Variants in BRWD1 observed in about 807,000 individuals in gnomAD.
The protein encoded by BRWD1 is bromodomain and WD repeat domain containing 1.
In BRWD1, 82 loss-of-function variants were observed where a neutral mutation model predicts 251.2. That is an observed-to-expected ratio of 0.33 (90% CI 0.27 to 0.39). BRWD1 has a LOEUF of 0.39. BRWD1 is among the 10% of genes least tolerant of loss of function. The pLI is 1.00. For missense variants in BRWD1, 2,233 were observed against 2,711.6 expected, an observed-to-expected ratio of 0.82 and a Z score of 3.92; for synonymous variants, 918 against 902.8, an observed-to-expected ratio of 1.02 and a Z score of -0.30.
At position 39,264,873 on chromosome 21, in the gene BRWD1, C is replaced by T. The variant is rs776653253; in HGVS notation, c.1659+18G>A. On this transcript the variant is annotated intron_variant, in intron 16 of 40. Transcript: ENST00000342449. ...GATAACTATTACTTGCATGCTACAA[C>T]AAAGTATTAAAAATGACCTTTTCAT... is the stretch of plus-strand genomic sequence containing the variant. 1.9e-6 allele frequency: 3 copies of T among 1,607,240 alleles called. No individual in the cohort carries two copies. Among genetic ancestry groups the T allele is most frequent in the Non-Finnish European group, 2.5e-6 (3 of 1,178,088 alleles).
rs1238777587 is a variant in BRWD1 at position 39,185,854 on chromosome 21, C to T, written c.*10405G>A. The T allele has an allele frequency of 6.6e-6, 1 of 152,056 alleles. No individual in the cohort carries two copies. The highest frequency in any genetic ancestry group is 2.4e-5 in the African/African-American group (1 of 41,412). The allele number at this position is 152,056 out of a possible 1,614,324, so 9.4% of individuals were successfully genotyped here. ...CTTACTTTCAACAACTTAATTTTTCCAGTAACACGTTACTATGTTAAAAAG... is the reference window on the plus strand; with the variant it reads ...CTTACTTTCAACAACTTAATTTTTCTAGTAACACGTTACTATGTTAAAAAG... On this transcript the variant is annotated 3_prime_UTR_variant, in exon 41 of 41. Coordinates refer to ENST00000342449, the MANE Select transcript of BRWD1 (RefSeq NM_033656.4).
intron 19 of BRWD1, among the ~76,000 whole-genome samples, chr21:39,252,082 C>T (rs993680157): frequency 6.6e-6 from 1 of 151,832 alleles, no homozygotes; most frequent in South Asian, 2.1e-4. Flanking sequence ...GCCTGGCCAA[C>T]ATGATGAAAC....
chr21:39,278,643 C>T (rs887668549), intron 10 of BRWD1, 100 bp downstream of exon 10: 1 of 805,256 alleles, frequency 1.2e-6, no homozygotes, highest in Non-Finnish European at 1.9e-6. Flanking sequence ...CACCAGAAGT[C>T]ATTTACCATG....
upstream of BRWD1, among the ~76,000 whole-genome samples, chr21:39,315,272 G>C (rs2036677465): frequency 6.6e-6 from 1 of 151,792 alleles, no homozygotes; most frequent in African/African-American, 2.4e-5. Context: ...CCGAAGTGCT[G>C]GGGATTACAT....
rs1460012127 is a variant in BRWD1, at chr21:39,191,419, C to A, written c.*4840G>T. On this transcript the variant is annotated 3_prime_UTR_variant, in exon 41 of 41. Coordinates refer to ENST00000342449, the MANE Select transcript of BRWD1 (RefSeq NM_033656.4). The stretch of plus-strand genomic sequence containing the variant: ...TAGTGTTTTGTTTTGTTTTTTAACT[C>A]TTTTGCTTGTTAAGATGAAAATGCT... 3 of 984,972 alleles carry A rather than the reference C, an allele frequency of 3.0e-6. No homozygotes were observed. Among genetic ancestry groups the A allele is most frequent in the Middle Eastern group, 5.2e-4 (1 of 1,936 alleles). 61.0% of individuals were successfully genotyped at this position (984,972 alleles called of 1,614,324 possible).
chr21:39,209,978 A>G lies in BRWD1; in HGVS notation c.4197+17T>C, dbSNP rs756856252. The stretch of plus-strand genomic sequence containing the variant: ...CAGATCAGGCAGTTTTTTTCAATAA[A>G]CCACATAAAAAATTACCTTTGATCT... On this transcript the variant is annotated intron_variant, in intron 36 of 40. Transcript: ENST00000342449. 1.2e-6 allele frequency: 2 copies of G among 1,605,924 alleles called. No individual in the cohort carries two copies. Among genetic ancestry groups the G allele is most frequent in the South Asian group, 2.2e-5 (2 of 89,924 alleles).
chr21:39,288,976 G>A (rs1568956908), intron 8 of BRWD1, among the ~76,000 whole-genome samples: 1 of 152,092 alleles, frequency 6.6e-6, no homozygotes, highest in East Asian at 1.9e-4. Flanking sequence ...AAAAAGTGAG[G>A]ATTATCTGTT....
chr21:39,276,891 C>A (rs2035296984), intron 11 of BRWD1, among the ~76,000 whole-genome samples: 1 of 152,026 alleles, frequency 6.6e-6, no homozygotes, highest in Non-Finnish European at 1.5e-5. Context: ...GACATACCTC[C>A]CCTTTAAATA....
chr21:39,273,754 A>AT (rs1447607791), intron 13 of BRWD1, among the ~76,000 whole-genome samples: 4 of 151,948 alleles, frequency 2.6e-5, no homozygotes, highest in East Asian at 1.9e-4. Flanking sequence ...ACCCTAAACC[A>AT]TTTTTTTTAA....
chr21:39,287,654 A>G (rs999404241), intron 8 of BRWD1, among the ~76,000 whole-genome samples: 1 of 152,162 alleles, frequency 6.6e-6, no homozygotes, highest in African/African-American at 2.4e-5. Context: ...TTCCCTGAAC[A>G]ATGTGTTTTT....
intron 10 of BRWD1, 23 bp downstream of exon 10, chr21:39,278,720 A>C: frequency 6.4e-7 from 1 of 1,552,654 alleles, no homozygotes; most frequent in East Asian, 2.3e-5. Context: ...AAAACTAAGA[A>C]AAAAATGTGA....
intron 13 of BRWD1, among the ~76,000 whole-genome samples, chr21:39,271,568 G>A (rs191160615): frequency 1.2e-3 from 186 of 151,462 alleles, no homozygotes; most frequent in African/African-American, 4.2e-3. Flanking sequence ...GTGGTGGTGG[G>A]CACCTGTAGT....
intron 8 of BRWD1, among the ~76,000 whole-genome samples, chr21:39,288,619 A>G (rs1022502968): frequency 6.6e-6 from 1 of 152,220 alleles, no homozygotes; most frequent in African/African-American, 2.4e-5. Context: ...ACTCCCAAAA[A>G]ACTTAACTAT....
At chr21:39,287,230 C>A (rs1197076457) in intron 8 of BRWD1, among the ~76,000 whole-genome samples, 1 of 152,164 alleles carries the variant, frequency 6.6e-6, no homozygotes, top group African/African-American at 2.4e-5. Flanking sequence ...AAATCTAGAA[C>A]CCAAATCAAG....
chr21:39,198,178 A>G (rs1036239781), intron 40 of BRWD1, among the ~76,000 whole-genome samples: 2 of 152,174 alleles, frequency 1.3e-5, no homozygotes, highest in Non-Finnish European at 2.9e-5. Context: ...CCCATGTACC[A>G]GGGGTACAAT....
At chr21:39,217,047 ATATT>A (rs1568877889) in intron 31 of BRWD1, 9 of 17,664 alleles carry the variant, frequency 5.1e-4, no homozygotes, top group African/African-American at 9.6e-4. Context: ...ATATATATAT[ATATT>A]TATATATATA....
At chr21:39,282,258 T>C (rs1477011967) in intron 8 of BRWD1, among the ~76,000 whole-genome samples, 4 of 151,764 alleles carry the variant, frequency 2.6e-5, no homozygotes. Context: ...GCAAACAAAC[T>C]TGCTGACTCA....
chr21:39,272,526 C>A (rs1443309588), intron 13 of BRWD1, among the ~76,000 whole-genome samples: 5 of 147,078 alleles, frequency 3.4e-5, no homozygotes, highest in Admixed American at 3.4e-4. Context: ...GACTCTGTCT[C>A]CAAAAAAAAA....
intron 21 of BRWD1, 130 bp from the exon 22 acceptor site, chr21:39,238,703 A>C (rs961104682): frequency 3.4e-6 from 2 of 592,512 alleles, no homozygotes; most frequent in Non-Finnish European, 6.0e-6. Flanking sequence ...ATCAGTAAAT[A>C]TATAATCAGA....
Sources: allele counts gnomAD v4.1 joint callset (sites outside exome capture counted in the v4.1 genomes callset), GRCh38; gene constraint gnomAD v4.1.1; transcripts MANE v1.5; gene names NCBI Gene and HGNC (gene_info 2026-07-23, HGNC 2026-07-21).